PATJ: variants seen among roughly 807,000 people sequenced by gnomAD.
PATJ encodes the protein inaD-like protein.
In PATJ, 190 loss-of-function variants were observed where a neutral mutation model predicts 224.9. That is an observed-to-expected ratio of 0.84 (90% confidence interval 0.75 to 0.95). The LOEUF is 0.95. Ranked by LOEUF, PATJ falls within the 40% of genes least tolerant of loss-of-function variation. The probability of loss-of-function intolerance (pLI) is 0.00; values close to 1 mark genes in which losing one functional copy is unlikely to be tolerated. For synonymous variants in PATJ, 769 were observed against 820.3 expected (o/e 0.94, Z 1.07); for missense variants, 2,121 against 2,270.3 (o/e 0.93, Z 1.34).
In PATJ at chr1:62,018,070, C is replaced by T. The variant is rs1419087526; in HGVS notation, c.3959+123C>T. 1.1e-5 allele frequency: 6 copies of T among 552,992 alleles called. No homozygotes were observed. The highest frequency in any genetic ancestry group is 2.0e-5 in the Non-Finnish European group (6 of 297,916). The allele number at this position is 552,992 out of a possible 1,614,324, so 34.3% of individuals were successfully genotyped here. On this transcript the variant is annotated intron_variant, in intron 29 of 43. Coordinates refer to ENST00000642238, the MANE Select transcript of PATJ (RefSeq NM_001350145.3). The surrounding 1 kb of genome is among the most constrained non-coding windows in gnomAD (Gnocchi z 4.2). ...CTGTTCCTTCTAAAAACATATATTCCTTTTGTAACTGTCACTTCAAGAAAA... is the reference window on the plus strand; with the variant it reads ...CTGTTCCTTCTAAAAACATATATTCTTTTTGTAACTGTCACTTCAAGAAAA...
intron 7 of PATJ, among the ~76,000 whole-genome samples, chr1:61,787,490 A>G (rs1317548419): frequency 1.3e-5 from 2 of 152,234 alleles, no homozygotes; most frequent in African/African-American, 2.4e-5. Context: ...ACTCTAGGCC[A>G]TTAGGCATGA....
chr1:61,869,206 A>G (rs1354948011), intron 20 of PATJ, among the ~76,000 whole-genome samples: 1 of 141,300 alleles, frequency 7.1e-6, no homozygotes, highest in Non-Finnish European at 1.5e-5. Flanking sequence ...TCCCGGGTTC[A>G]CGCCATTCTC....
intron 42 of PATJ, among the ~76,000 whole-genome samples, chr1:62,149,604 TC>T (rs1200562041): frequency 1.5e-5 from 2 of 135,224 alleles, no homozygotes; most frequent in Non-Finnish European, 3.1e-5. Flanking sequence ...GGTGGCCTTT[TC>T]CTTAAAAAAA....
At chr1:62,132,842 T>A (rs1666404700) in intron 41 of PATJ, among the ~76,000 whole-genome samples, 1 of 151,908 alleles carries the variant, frequency 6.6e-6, no homozygotes, top group Non-Finnish European at 1.5e-5. Flanking sequence ...GGGCAGAGGT[T>A]GCAGTGAGCC....
intron 27 of PATJ, among the ~76,000 whole-genome samples, chr1:61,929,007 A>G (rs1675630966): frequency 6.6e-6 from 1 of 152,166 alleles, no homozygotes; most frequent in South Asian, 2.1e-4. Context: ...TTTTGTCTTG[A>G]TTGAGCCACC....
intron 24 of PATJ, among the ~76,000 whole-genome samples, chr1:61,905,781 A>G (rs897920613): frequency 4.6e-5 from 7 of 152,298 alleles, no homozygotes; most frequent in Admixed American, 3.9e-4. Flanking sequence ...TCAAAACAGA[A>G]TACTAGATGT....
chr1:62,111,952 G>A lies in PATJ; in HGVS notation c.4462-2101G>A, dbSNP rs115687128. 6.0e-3 allele frequency among the ~76,000 whole-genome samples: 911 copies of A among 151,090 alleles called. 13 individuals carry two copies. Among genetic ancestry groups the A allele is most frequent in the African/African-American group, 0.021 (857 of 41,188 alleles). On this transcript the variant is annotated intron_variant, in intron 34 of 43. Transcript: ENST00000642238. ...TGGGATTACAGGCATGAGCCACCGC[G>A]CCCAGCCCAAAACCCATGTTCTTTA... is the stretch of plus-strand genomic sequence containing the variant.
intron 27 of PATJ, among the ~76,000 whole-genome samples, chr1:61,938,282 T>A (rs1007209392): frequency 1.3e-5 from 2 of 152,188 alleles, no homozygotes; most frequent in African/African-American, 4.8e-5. Context: ...TATGGTCCCT[T>A]ACAAGGAAGA....
chr1:61,931,082 C>G (rs1009111237), intron 27 of PATJ, among the ~76,000 whole-genome samples: 2 of 152,136 alleles, frequency 1.3e-5, no homozygotes, highest in African/African-American at 4.8e-5. Flanking sequence ...CTCAAACTAT[C>G]CTTCCCAAAG....
intron 27 of PATJ, chr1:61,951,936 G>A (rs1199609964): frequency 6.4e-6 from 1 of 156,814 alleles, no homozygotes; most frequent in African/African-American, 2.4e-5. Context: ...TTCTCAGCAG[G>A]AAAGCTGGGT....
rs1234455810 is a variant in PATJ, at chr1:61,791,390, A to G, written c.1111A>G (p.Lys371Glu). 1.9e-6 allele frequency: 3 copies of G among 1,612,594 alleles called. No individual in the cohort carries two copies. The African/African-American group carries it at 4.0e-5, about 22-fold the overall frequency. ...AACTTATAATGTTGAGCTTGTGAGA[A>G]AAGATGGGCAGAGTCTTGGAATTAG... Reference protein sequence around the residue: ...FETYNVELVRKDGQSLGIRIV... With the variant: ...FETYNVELVREDGQSLGIRIV... The change falls in exon 9 of 44, where the codon AAA becomes GAA. Residue 371 changes from lysine to glutamate, a missense_variant. Physicochemically the swap from Lys to Glu is moderately conservative, Grantham distance 56. Coordinates refer to ENST00000642238, the MANE Select transcript of PATJ (RefSeq NM_001350145.3).
rs1450926943 is a variant in PATJ, at chr1:61,801,646, C to A, written c.1426C>A (p.Pro476Thr). ...DRGTVVEPLK[P>T]PALFLTGAVE... The stretch of plus-strand genomic sequence containing the variant: ...AGGAACTGTTGTAGAACCACTGAAA[C>A]CACCAGCTCTCTTTCTAACTGGAGC... Residue 476 changes from proline to threonine, a missense_variant, in exon 12 of 44, where the codon CCA becomes ACA. Pro to Thr is a conservative substitution (Grantham distance 38). Coordinates refer to ENST00000642238, the MANE Select transcript of PATJ (RefSeq NM_001350145.3). 14 of 1,585,706 alleles carry A rather than the reference C, an allele frequency of 8.8e-6. No individual in the cohort carries two copies. In the East Asian group the frequency reaches 3.1e-4, roughly 36 times the overall value.
intron 12 of PATJ, 28 bp from the exon 13 acceptor site, chr1:61,805,420 G>GCT (rs767386536): frequency 1.4e-6 from 2 of 1,426,828 alleles, no homozygotes; most frequent in Non-Finnish European, 2.0e-6. Context: ...ACATTCTCTC[G>GCT]CTCTCTCTCT....
At chr1:62,155,596 T>C (rs1669101354) in intron 43 of PATJ, among the ~76,000 whole-genome samples, 1 of 150,434 alleles carries the variant, frequency 6.6e-6, no homozygotes, top group Non-Finnish European at 1.5e-5. Context: ...GAAGCACCCA[T>C]AGAAGTAGAA....
At chr1:62,153,306 A>C in intron 42 of PATJ, 52 bp from the exon 43 acceptor site, 3 of 1,157,978 alleles carry the variant, frequency 2.6e-6, no homozygotes, top group Non-Finnish European at 3.3e-6. Flanking sequence ...ATTAAATGAA[A>C]TTCCCTCTCA....
intron 14 of PATJ, among the ~76,000 whole-genome samples, chr1:61,809,106 A>G (rs753944253): frequency 1.5e-4 from 23 of 152,164 alleles, no homozygotes; most frequent in Non-Finnish European, 3.4e-4. Context: ...GTTTTTGGTA[A>G]GCTTTATTTC....
rs115366604 is a variant in PATJ at position 62,003,792 on chromosome 1, G to A, written c.3867+13428G>A. The stretch of plus-strand genomic sequence containing the variant: ...TCCCTTTGGTTCTCCCATCTGCAAA[G>A]TGGGAGCAATGGTTTGGAAAGTGGG... On this transcript the variant is annotated intron_variant, in intron 28 of 43. Transcript: ENST00000642238. 8.2e-3 allele frequency among the ~76,000 whole-genome samples: 1,242 copies of A among 152,324 alleles called. 24 individuals carry two copies. Among genetic ancestry groups the A allele is most frequent in the African/African-American group, 0.028 (1,179 of 41,572 alleles).
intron 18 of PATJ, among the ~76,000 whole-genome samples, chr1:61,859,411 G>T (rs189893917): frequency 6.6e-6 from 1 of 152,162 alleles, no homozygotes; most frequent in Non-Finnish European, 1.5e-5. Context: ...TCAATTTCAA[G>T]AATTTTTTTT....
chr1:62,009,555 G>A (rs12071745), intron 28 of PATJ, among the ~76,000 whole-genome samples: 5,873 of 152,044 alleles, frequency 0.039, 374 homozygotes, highest in African/African-American at 0.13. Context: ...TGAAGGTTGG[G>A]GTGGCTGTGA....
Sources: allele counts gnomAD v4.1 joint callset (sites outside exome capture counted in the v4.1 genomes callset), GRCh38; gene constraint gnomAD v4.1.1; non-coding constraint Gnocchi (gnomAD v3.1); transcripts MANE v1.5; gene names NCBI Gene and HGNC (gene_info 2026-07-23, HGNC 2026-07-21).